TEX9: variants seen among roughly 807,000 people sequenced by gnomAD.
TEX9 encodes the protein testis expressed 9.
A neutral mutation model predicts 59.6 loss-of-function variants in TEX9; 74 were observed. That is an observed-to-expected ratio of 1.24 (90% CI 1.03 to 1.51). The LOEUF (loss-of-function observed/expected upper bound fraction) is 1.51, where lower values mean the gene tolerates loss of function less well. Ranked by LOEUF, TEX9 falls within the 40% of genes most tolerant of loss-of-function variation. The probability of loss-of-function intolerance (pLI) is 0.00; values close to 1 mark genes in which losing one functional copy is unlikely to be tolerated. For synonymous variants in TEX9, 186 were observed against 152.2 expected (o/e 1.22, Z -1.64); for missense variants, 522 against 447.8 (o/e 1.17, Z -1.49).
At chr15:56,446,971 A>C (rs767737711), downstream of TEX9, 31 of 1,501,998 alleles carry the variant, frequency 2.1e-5, 1 homozygote, top group South Asian at 3.0e-4. Context: ...AACAAATTTA[A>C]ATGTTAGGAC....
intron 1 of TEX9, among the ~76,000 whole-genome samples, chr15:56,304,704 T>C (rs2045437647): frequency 6.6e-6 from 1 of 152,168 alleles, no homozygotes; most frequent in Non-Finnish European, 1.5e-5. Context: ...ATCAGAGATA[T>C]GGGCCTGTAA....
In TEX9 at chr15:56,277,958, G is replaced by A. The variant is rs114613104; in HGVS notation, c.-107+33680G>A. On this transcript the variant is annotated intron_variant, in intron 1 of 5. Coordinates refer to the TEX9 transcript ENST00000560827. Reference sequence around the variant, plus strand: ...CCTCTTGAGGGACCAACACTATTTCGTTTTTTTTTTCTCTTTTCCCTTTTT... The same window carrying A: ...CCTCTTGAGGGACCAACACTATTTCATTTTTTTTTTCTCTTTTCCCTTTTT... Among the ~76,000 whole-genome samples, 1,203 of 148,978 alleles carry A rather than the reference G, an allele frequency of 8.1e-3. 17 individuals carry two copies. Among genetic ancestry groups the A allele is most frequent in the African/African-American group, 0.028 (1,144 of 40,716 alleles).
chr15:56,255,608 G>A (rs984814791), intron 1 of TEX9, among the ~76,000 whole-genome samples: 14 of 152,094 alleles, frequency 9.2e-5, no homozygotes, highest in Middle Eastern at 3.4e-3. Flanking sequence ...AGAATAATGC[G>A]AAAAGGGTTT....
chr15:56,398,271 A>G (rs1173453775), intron 9 of TEX9: 3 of 152,250 alleles, frequency 2.0e-5, no homozygotes, highest in East Asian at 1.9e-4. Flanking sequence ...TATTGGTTAT[A>G]TGTTGAAATA....
chr15:56,342,919 T>G (rs1043121664), intron 1 of TEX9, among the ~76,000 whole-genome samples: 5 of 152,170 alleles, frequency 3.3e-5, no homozygotes, highest in African/African-American at 1.2e-4. Context: ...GAAGAGAACA[T>G]TAATCATAGC....
intron 3 of TEX9, among the ~76,000 whole-genome samples, chr15:56,381,766 C>T (rs12898789): frequency 0.3 from 45,532 of 152,112 alleles, 7,713 homozygotes; most frequent in Middle Eastern, 0.47. Context: ...TGCAAGCACC[C>T]CTGTGCCCAG....
intron 1 of TEX9, chr15:56,274,714 G>T (rs967375145): frequency 5.9e-5 from 9 of 151,710 alleles, no homozygotes; most frequent in Non-Finnish European, 8.8e-5. Flanking sequence ...GCCTGAAAAT[G>T]GGCAGGCATG....
At chr15:56,309,693 G>GTTTTTT (rs60648387) in intron 1 of TEX9, among the ~76,000 whole-genome samples, 4,263 of 60,634 alleles carry the variant, frequency 0.07, 571 homozygotes, top group Non-Finnish European at 0.09. Flanking sequence ...TTTATGGGAA[G>GTTTTTT]TTTTTTTTTT....
intron 12 of TEX9, chr15:56,429,050 C>G: frequency 8.5e-7 from 1 of 1,180,310 alleles, no homozygotes; most frequent in Non-Finnish European, 1.2e-6. Context: ...GTTATGCTGA[C>G]ATCTAGTGGT....
In TEX9 at chr15:56,310,991, C is replaced by A. The variant is rs559242281; in HGVS notation, c.-106-62450C>A. Reference sequence around the variant, plus strand: ...CCCTACAGATGACCTCAGACGAACACCCTCTCAACACCCAAGTCTAGAACC... The same window carrying A: ...CCCTACAGATGACCTCAGACGAACAACCTCTCAACACCCAAGTCTAGAACC... On this transcript the variant is annotated intron_variant, in intron 1 of 5. Transcript: ENST00000560827. Among the ~76,000 whole-genome samples the A allele has an allele frequency of 5.9e-5, 9 of 152,240 alleles. No homozygotes were observed. In the South Asian group the frequency reaches 1.2e-3, roughly 21 times the overall value.
the TEX9 span, among the ~76,000 whole-genome samples, chr15:56,452,373 A>G: frequency 6.6e-6 from 1 of 152,182 alleles, no homozygotes; most frequent in Non-Finnish European, 1.5e-5. Flanking sequence ...CCTGGCAGAC[A>G]ACATTAGAGC....
chr15:56,322,464 TGA>T (rs2045924003), intron 1 of TEX9, among the ~76,000 whole-genome samples: 1 of 151,980 alleles, frequency 6.6e-6, no homozygotes, highest in Non-Finnish European at 1.5e-5. Context: ...AAGGAGTGGG[TGA>T]GAGGGAGCTT....
At position 56,317,023 on chromosome 15, in the gene TEX9, C is replaced by T. The variant is rs1041346000; in HGVS notation, c.-106-56418C>T. On this transcript the variant is annotated intron_variant, in intron 1 of 5. Coordinates refer to the TEX9 transcript ENST00000560827. ...CCTGCTTCTGCTCGCGCAGGGTGCG[C>T]GCACCCACTGACCTGCGCCCACTGT... Among the ~76,000 whole-genome samples, 15 of 152,138 alleles carry T rather than the reference C, an allele frequency of 9.9e-5. No homozygotes were observed. The East Asian group carries it at 1.4e-3, about 14-fold the overall frequency.
the TEX9 span, among the ~76,000 whole-genome samples, chr15:56,459,990 C>CAAAAAAAAAAAAAAAA: frequency 1.5e-3 from 17 of 11,114 alleles, 1 homozygote; most frequent in African/African-American, 6.7e-3. Context: ...AATTCTGTCT[C>CAAAAAAAAAAAAAAAA]AAAAAAAAAA....
Position 56,313,535 on chromosome 15 carries a change from G to A in TEX9, c.-106-59906G>A, listed in dbSNP as rs1312310985. On this transcript the variant is annotated intron_variant, in intron 1 of 5. Transcript: ENST00000560827. ...TGGTGGATAAGCTTTTTGATGTGCT[G>A]CTGGATTCGTTTTGCCAGTATTTTA... Among the ~76,000 whole-genome samples the A allele has an allele frequency of 2.3e-4, 32 of 140,382 alleles. 1 individual carries two copies. Among genetic ancestry groups the A allele is most frequent in the Non-Finnish European group, 3.9e-4 (25 of 63,718 alleles). The allele number at this position is 140,382 out of a possible 152,430, so 92.1% of individuals were successfully genotyped here. A position where few individuals can be genotyped will look rare whatever the true frequency, so the allele number is the denominator to read the frequency against.
Position 56,316,152 on chromosome 15 carries a change from G to C in TEX9, c.-106-57289G>C, listed in dbSNP as rs1392848481. ...GTCTGAAGCCTTCTTCTCTCAGCTC[G>C]TCAAAGTCATTCTCCATCCAGCTTT... On this transcript the variant is annotated intron_variant, in intron 1 of 5. Coordinates refer to the TEX9 transcript ENST00000560827. 6.9e-5 allele frequency among the ~76,000 whole-genome samples: 10 copies of C among 145,136 alleles called. No individual in the cohort carries two copies. The East Asian group carries it at 1.8e-3, about 27-fold the overall frequency.
At chr15:56,421,447 A>G (rs1189355490) in intron 10 of TEX9, 2 of 151,900 alleles carry the variant, frequency 1.3e-5, no homozygotes, top group African/African-American at 4.9e-5. Flanking sequence ...ATTTTAGAGC[A>G]TTTTGGATTT....
chr15:56,455,539 G>A, the TEX9 span, among the ~76,000 whole-genome samples: 611 of 152,256 alleles, frequency 4.0e-3, 18 homozygotes, highest in Admixed American at 0.037. Context: ...AAGATAAAAT[G>A]TAACAACTAT....
chr15:56,439,145 C>T (rs929191719), intron 12 of TEX9, among the ~76,000 whole-genome samples: 1 of 152,052 alleles, frequency 6.6e-6, no homozygotes, highest in African/African-American at 2.4e-5. Context: ...AACGAGTACA[C>T]GGACACCAAA....
Sources: allele counts gnomAD v4.1 joint callset (sites outside exome capture counted in the v4.1 genomes callset), GRCh38; gene constraint gnomAD v4.1.1; transcripts MANE v1.5; gene names NCBI Gene and HGNC (gene_info 2026-07-23, HGNC 2026-07-21).